EXOC6B: variants seen among roughly 807,000 people sequenced by gnomAD.
The protein encoded by EXOC6B is SEC15 homolog B.
EXOC6B carries 54 observed loss-of-function variants against 113.5 expected under a neutral mutation model. The observed-to-expected ratio is 0.48, with a 90% CI of 0.38 to 0.60. EXOC6B has a LOEUF of 0.60. Ranked by LOEUF, EXOC6B falls within the 20% of genes least tolerant of loss-of-function variation. The pLI, the probability that EXOC6B is intolerant of heterozygous loss-of-function variation, is 0.00. For synonymous variants in EXOC6B, 357 were observed against 339.0 expected, an observed-to-expected ratio of 1.05 and a Z score of -0.58; for missense variants, 797 against 977.5, an observed-to-expected ratio of 0.82 and a Z score of 2.46.
chr2:72,335,325 G>A (rs1352828182), intron 19 of EXOC6B: 10 of 228,474 alleles, frequency 4.4e-5, no homozygotes, highest in Non-Finnish European at 8.5e-5. Flanking sequence ...CAAAGGAGGA[G>A]GGAGTGGGGG....
At chr2:72,808,701 G>A (rs540674550) in intron 1 of EXOC6B, among the ~76,000 whole-genome samples, 40 of 152,100 alleles carry the variant, frequency 2.6e-4, no homozygotes, top group African/African-American at 8.7e-4. Context: ...GAAGATCAAC[G>A]GAACCCAGGA....
At chr2:72,397,161 T>TCTTC (rs1340820082) in intron 18 of EXOC6B, among the ~76,000 whole-genome samples, 1 of 152,172 alleles carries the variant, frequency 6.6e-6, no homozygotes, top group African/African-American at 2.4e-5. Flanking sequence ...CTCTTTCTCC[T>TCTTC]CTTCCTTCTT....
intron 20 of EXOC6B, among the ~76,000 whole-genome samples, chr2:72,282,811 A>C (rs567030304): frequency 6.6e-6 from 1 of 152,158 alleles, no homozygotes; most frequent in African/African-American, 2.4e-5. Flanking sequence ...AAGAAGCATT[A>C]AAAAAGGAAT....
chr2:72,721,558 A>G (rs1240307742), intron 5 of EXOC6B, among the ~76,000 whole-genome samples: 1 of 151,984 alleles, frequency 6.6e-6, no homozygotes, highest in East Asian at 1.9e-4. Context: ...CAGCTGACAA[A>G]CAGGTTTTTA....
intron 6 of EXOC6B, among the ~76,000 whole-genome samples, chr2:72,683,226 T>C (rs1441912903): frequency 6.6e-6 from 1 of 152,234 alleles, no homozygotes; most frequent in Non-Finnish European, 1.5e-5. Context: ...TATGTGTTTT[T>C]CATTGTGGAT....
At chr2:72,267,082 C>G (rs955856398) in intron 20 of EXOC6B, among the ~76,000 whole-genome samples, 3 of 152,076 alleles carry the variant, frequency 2.0e-5, no homozygotes, top group East Asian at 1.9e-4. Flanking sequence ...TATAAGAATG[C>G]TTGTGATTTT....
chr2:72,683,606 A>G (rs1443981667), intron 6 of EXOC6B, among the ~76,000 whole-genome samples: 2 of 152,220 alleles, frequency 1.3e-5, no homozygotes, highest in African/African-American at 4.8e-5. Context: ...ATTTTGAGTG[A>G]TGCTTACATT....
At chr2:72,519,386 A>C (rs1251650406) in intron 8 of EXOC6B, among the ~76,000 whole-genome samples, 1 of 152,186 alleles carries the variant, frequency 6.6e-6, no homozygotes, top group African/African-American at 2.4e-5. Context: ...AAGAAACAAT[A>C]TGTGCCTTTG....
At chr2:72,213,064 C>A (rs900331569) in intron 20 of EXOC6B, among the ~76,000 whole-genome samples, 3 of 152,242 alleles carry the variant, frequency 2.0e-5, no homozygotes, top group Non-Finnish European at 4.4e-5. Flanking sequence ...ACAGATACTA[C>A]TAGCTTCTGC....
chr2:72,779,855 G>A (rs553211551), intron 1 of EXOC6B, among the ~76,000 whole-genome samples: 38 of 152,288 alleles, frequency 2.5e-4, no homozygotes, highest in African/African-American at 7.9e-4. Context: ...GTGTATGCCC[G>A]TTGCTTCATG....
At chr2:72,542,380 A>T (rs1341120156) in intron 8 of EXOC6B, among the ~76,000 whole-genome samples, 4 of 152,212 alleles carry the variant, frequency 2.6e-5, no homozygotes, top group Non-Finnish European at 1.5e-5. Flanking sequence ...TTAAGCCCCT[A>T]AACTATTTCA....
chr2:72,697,684 T>C (rs1018710767), intron 6 of EXOC6B, among the ~76,000 whole-genome samples: 7 of 152,144 alleles, frequency 4.6e-5, no homozygotes, highest in African/African-American at 1.7e-4. Flanking sequence ...ACCCTGCCTG[T>C]CTCACCTCTA....
At chr2:72,569,738 A>T (rs547401529) in intron 7 of EXOC6B, among the ~76,000 whole-genome samples, 8 of 152,272 alleles carry the variant, frequency 5.3e-5, no homozygotes, top group African/African-American at 1.9e-4. Context: ...TTATCAAGGA[A>T]TCATCTTCAT....
rs1316071873 is a variant in EXOC6B at position 72,632,684 on chromosome 2, T to C, written c.670-57016A>G. On this transcript the variant is annotated intron_variant, in intron 6 of 21. Transcript: ENST00000272427. Reference sequence around the variant, plus strand: ...AGTAAGTCTCAAACACTAGCTTCTCTCAATTTTTTTTTATTTTTTTATTTT... The same window carrying C: ...AGTAAGTCTCAAACACTAGCTTCTCCCAATTTTTTTTTATTTTTTTATTTT... 3.9e-5 allele frequency among the ~76,000 whole-genome samples: 6 copies of C among 152,094 alleles called. No homozygotes were observed. The East Asian group carries it at 7.7e-4, about 19-fold the overall frequency.
intron 18 of EXOC6B, among the ~76,000 whole-genome samples, chr2:72,400,567 CTAT>C (rs1693067999): frequency 6.6e-6 from 1 of 150,840 alleles, no homozygotes; most frequent in South Asian, 2.1e-4. Flanking sequence ...TATCCAGAAG[CTAT>C]AAGAAAGTCA....
chr2:72,199,044 C>T (rs915188731), intron 20 of EXOC6B, among the ~76,000 whole-genome samples: 1 of 152,122 alleles, frequency 6.6e-6, no homozygotes, highest in Admixed American at 6.6e-5. Context: ...CAGGAAGCAA[C>T]AGAATTCACT....
chr2:72,215,776 G>A (rs1250989905), intron 20 of EXOC6B, among the ~76,000 whole-genome samples: 1 of 152,112 alleles, frequency 6.6e-6, no homozygotes, highest in Non-Finnish European at 1.5e-5. Flanking sequence ...ATTGGAAACA[G>A]GGGAGGAGAC....
intron 8 of EXOC6B, among the ~76,000 whole-genome samples, chr2:72,530,251 G>A (rs1196051563): frequency 6.6e-6 from 1 of 152,140 alleles, no homozygotes; most frequent in Non-Finnish European, 1.5e-5. Flanking sequence ...CTCTTTTCCA[G>A]TGTAAACAGT....
intron 1 of EXOC6B, among the ~76,000 whole-genome samples, chr2:72,816,612 C>T: frequency 6.6e-6 from 1 of 152,094 alleles, no homozygotes; most frequent in South Asian, 2.1e-4. Context: ...ATATTTCAAA[C>T]CCACACAAGA....
Sources: gnomAD v4.1 joint callset for allele counts (sites outside exome capture counted in the v4.1 genomes callset) on GRCh38, gnomAD v4.1.1 for gene constraint, MANE v1.5 for transcripts, NCBI Gene and HGNC (gene_info 2026-07-23, HGNC 2026-07-21) for gene names.